Variants in FSD2 observed in about 807,000 individuals in gnomAD.
FSD2 encodes the protein fibronectin type III and SPRY domain containing 2.
Under a neutral mutation model 80.4 loss-of-function variants are expected in FSD2, and 71 were observed. That is an observed-to-expected ratio of 0.88 (90% confidence interval 0.73 to 1.08). The LOEUF (loss-of-function observed/expected upper bound fraction) is 1.08. Among genes scored for constraint, FSD2 ranks in the 50% least tolerant of loss-of-function variants. The probability of loss-of-function intolerance (pLI) is 0.00; values close to 1 mark genes in which losing one functional copy is unlikely to be tolerated. For synonymous variants in FSD2, 361 were observed against 329.5 expected, an observed-to-expected ratio of 1.10 and a Z score of -1.03; for missense variants, 923 against 913.8, an observed-to-expected ratio of 1.01 and a Z score of -0.13.
intron 5 of FSD2, 60 bp downstream of exon 5, chr15:82,780,185 T>A: frequency 8.3e-7 from 1 of 1,202,122 alleles, no homozygotes; most frequent in East Asian, 2.7e-5. Flanking sequence ...CTGAGTCTAT[T>A]TGGATAACTA....
intron 1 of FSD2, among the ~76,000 whole-genome samples, chr15:82,790,544 T>TTTGTGTGTG (rs1555480714): frequency 6.7e-6 from 1 of 148,688 alleles, no homozygotes; most frequent in Admixed American, 6.7e-5. Flanking sequence ...GAGCTGCCAT[T>TTTGTGTGTG]TGTGTGTGTG....
chr15:82,791,857 C>T (rs1837772020), intron 1 of FSD2, among the ~76,000 whole-genome samples: 1 of 152,218 alleles, frequency 6.6e-6, no homozygotes, highest in African/African-American at 2.4e-5. Flanking sequence ...TAACTGGCTT[C>T]TCTCACTGAG....
rs184516152 is a variant in FSD2, at chr15:82,759,689, C to T, written c.1998-89G>A. 5.9e-3 allele frequency: 6,929 copies of T among 1,181,270 alleles called. 29 individuals are homozygous for T. Among genetic ancestry groups the T allele is most frequent in the Non-Finnish European group, 7.2e-3 (6,223 of 862,606 alleles). 73.2% of individuals were successfully genotyped at this position (1,181,270 alleles called of 1,614,324 possible). On this transcript the variant is annotated intron_variant, in intron 12 of 12. Transcript: ENST00000334574. The stretch of plus-strand genomic sequence containing the variant: ...TTTCATACTAATTTTATTCATAGTC[C>T]TATGATTTTGCTATTTTCTAGTATT...
chr15:82,788,977 TAA>T (rs35788113), intron 1 of FSD2, among the ~76,000 whole-genome samples: 153 of 137,426 alleles, frequency 1.1e-3, no homozygotes, highest in African/African-American at 3.4e-3. Flanking sequence ...AGACTCTGTC[TAA>T]AAAAAAAAAA....
At chr15:82,787,585 G>A (rs953061111) in intron 1 of FSD2, 117 bp from the exon 2 acceptor site, 10 of 470,522 alleles carry the variant, frequency 2.1e-5, no homozygotes, top group African/African-American at 8.0e-5. Context: ...TAGTTCAGTC[G>A]TGGTTTCACT....
In FSD2 at chr15:82,772,250, GAA is replaced by G. The variant is rs773052843; in HGVS notation, c.1112-24_1112-23del. 8 of 1,593,072 alleles carry G rather than the reference GAA, an allele frequency of 5.0e-6. No individual in the cohort carries two copies. In the South Asian group the frequency reaches 9.1e-5, roughly 18 times the overall value. ...GGAGCTAGGAAAAGAAAAGAAAAAAGAAGAGGAACCTCTAATAGAGGTGTGGG... is the reference window on the plus strand; with the variant it reads ...GGAGCTAGGAAAAGAAAAGAAAAAAGGAGGAACCTCTAATAGAGGTGTGGG... On this transcript the variant is annotated intron_variant, in intron 6 of 12. Transcript: ENST00000334574.
intron 1 of FSD2, among the ~76,000 whole-genome samples, chr15:82,795,587 T>C (rs2050245608): frequency 6.6e-6 from 1 of 152,088 alleles, no homozygotes; most frequent in South Asian, 2.1e-4. Flanking sequence ...CCCAGCACTT[T>C]AGGAGGCTAA....
At chr15:82,784,414 T>C (rs1289860087) in intron 3 of FSD2, among the ~76,000 whole-genome samples, 2 of 151,842 alleles carry the variant, frequency 1.3e-5, no homozygotes, top group South Asian at 4.2e-4. Context: ...CCAACTAATT[T>C]TTTTTGTATT....
chr15:82,790,888 T>A (rs914027306), intron 1 of FSD2, among the ~76,000 whole-genome samples: 3 of 147,300 alleles, frequency 2.0e-5, no homozygotes, highest in Non-Finnish European at 4.5e-5. Context: ...CCCGGCCCAT[T>A]GTGTTTTATT....
At chr15:82,799,127 TG>T (rs773188047) in intron 1 of FSD2, among the ~76,000 whole-genome samples, 1 of 152,154 alleles carries the variant, frequency 6.6e-6, no homozygotes. Context: ...CCTCCCGCCT[TG>T]GTCTCCCAAA....
At chr15:82,760,091 G>A (rs550313124) in intron 12 of FSD2, among the ~76,000 whole-genome samples, 5 of 152,320 alleles carry the variant, frequency 3.3e-5, no homozygotes, top group African/African-American at 1.2e-4. Flanking sequence ...ACTGCTTCTG[G>A]CCGAAACATT....
chr15:82,764,767 C>T (rs146094526), intron 11 of FSD2, among the ~76,000 whole-genome samples: 7 of 152,062 alleles, frequency 4.6e-5, no homozygotes, highest in South Asian at 2.1e-4. Context: ...CATGAGCCAC[C>T]GTGCCTGGCC....
chr15:82,769,667 A>G, intron 8 of FSD2, 83 bp downstream of exon 8: 1 of 1,466,272 alleles, frequency 6.8e-7, no homozygotes, highest in East Asian at 2.3e-5. Flanking sequence ...AATGAAATCA[A>G]GAGCCCTGCC....
chr15:82,787,078 G>C lies in FSD2; in HGVS notation c.313C>G (p.Pro105Ala). Residue 105 changes from proline (P) to alanine (A), a missense_variant, in exon 2 of 13, where the codon CCT becomes GCT. By Grantham distance (27) the Pro-to-Ala change is conservative. Transcript: ENST00000334574. ...GGGTCTCTCCTCTTCATCATATAAGGAGGATATTCTGAAACCCCTGTTCTG... is the reference window on the plus strand; with the variant it reads ...GGGTCTCTCCTCTTCATCATATAAGCAGGATATTCTGAAACCCCTGTTCTG... Reference protein sequence around the residue: ...IPRTGVSEYPPYMMKRRDPAR... With the variant: ...IPRTGVSEYPAYMMKRRDPAR... The C allele has an allele frequency of 6.2e-7, 1 of 1,613,938 alleles. No individual in the cohort carries two copies. Among genetic ancestry groups the C allele is most frequent in the Non-Finnish European group, 8.5e-7 (1 of 1,179,880 alleles).
At position 82,787,466 on chromosome 15, in the gene FSD2, G is replaced by A; in HGVS notation, c.-76C>T. ...TGGACACTTAATAGTGAATATCTGG[G>A]CCCTGGAACACAAAAGGAGGAGGAA... On this transcript the variant is annotated splice_region_variant and 5_prime_UTR_variant, in exon 2 of 13. Transcript: ENST00000334574. 2 of 1,408,060 alleles carry A rather than the reference G, an allele frequency of 1.4e-6. No individual in the cohort carries two copies. The highest frequency in any genetic ancestry group is 2.9e-5 in the South Asian group (2 of 67,870). The allele number at this position is 1,408,060 out of a possible 1,614,324, so 87.2% of individuals were successfully genotyped here. A position where few individuals can be genotyped will look rare whatever the true frequency, so the allele number is the denominator to read the frequency against.
chr15:82,771,586 T>G (rs2049572194), intron 7 of FSD2, among the ~76,000 whole-genome samples: 1 of 152,220 alleles, frequency 6.6e-6, no homozygotes, highest in Non-Finnish European at 1.5e-5. Flanking sequence ...TGTCTTCTCC[T>G]GGGAACGTGG....
chr15:82,786,324 T>G (rs2049995978), intron 3 of FSD2, among the ~76,000 whole-genome samples, 187 bp downstream of exon 3: 1 of 152,028 alleles, frequency 6.6e-6, no homozygotes, highest in African/African-American at 2.4e-5. Context: ...TGACAGGTAA[T>G]TGGTTCCATG....
intron 1 of FSD2, among the ~76,000 whole-genome samples, chr15:82,797,666 C>T (rs191268971): frequency 2.6e-4 from 40 of 152,098 alleles, no homozygotes; most frequent in Admixed American, 1.2e-3. Flanking sequence ...AAAAATTAGC[C>T]GGGCGTGGTG....
Position 82,778,769 on chromosome 15 carries a change from G to T in FSD2, c.1108C>A (p.Pro370Thr). The stretch of plus-strand genomic sequence containing the variant: ...AAGTACACACACAGGTGAGCACCTG[G>T]AATGGTGTTAATGGAGCCCATCAGC... ...EQLMGSINTI[P>T]APSAPVINPQ... is the part of the protein sequence containing the mutation. Residue 370 changes from proline to threonine, a missense_variant, in exon 6 of 13, where the codon CCA (proline) becomes ACA (threonine). Physicochemically the swap from Pro to Thr is conservative, Grantham distance 38 (BLOSUM62 -1). Coordinates refer to ENST00000334574, the MANE Select transcript of FSD2 (RefSeq NM_001007122.4). 6.2e-7 allele frequency: 1 copy of T among 1,609,252 alleles called. No individual in the cohort carries two copies.
Sources: allele counts gnomAD v4.1 joint callset (sites outside exome capture counted in the v4.1 genomes callset), GRCh38; gene constraint gnomAD v4.1.1; transcripts MANE v1.5; gene names NCBI Gene and HGNC (gene_info 2026-07-23, HGNC 2026-07-21).